Variants in ESRRG observed in about 807,000 individuals in gnomAD.
The protein encoded by ESRRG is estrogen related receptor gamma.
A neutral mutation model predicts 44.0 loss-of-function variants in ESRRG; 13 were observed. The observed-to-expected ratio is 0.30, with a 90% CI of 0.19 to 0.47. ESRRG has a LOEUF of 0.47. ESRRG is among the 20% of genes least tolerant of loss of function. The pLI, the probability that ESRRG is intolerant of heterozygous loss-of-function variation, is 1.00. For synonymous variants in ESRRG, 215 were observed against 214.6 expected (o/e 1.00, Z -0.02); for missense variants, 395 against 580.6 (o/e 0.68, Z 3.29).
At chr1:217,089,746 C>T (rs1024279291), upstream of ESRRG, 2 of 152,076 alleles carry the variant, frequency 1.3e-5, no homozygotes, top group African/African-American at 4.8e-5. Context: ...CGGGGCCGGC[C>T]TGGCACCCGG....
At chr1:216,882,880 T>G (rs1307454329) in intron 2 of ESRRG, among the ~76,000 whole-genome samples, 1 of 152,104 alleles carries the variant, frequency 6.6e-6, no homozygotes, top group Non-Finnish European at 1.5e-5. Flanking sequence ...GGAAATCATG[T>G]TTTGATATTT....
intron 1 of ESRRG, among the ~76,000 whole-genome samples, chr1:216,708,051 A>C (rs1270224478): frequency 2.6e-5 from 4 of 152,232 alleles, no homozygotes; most frequent in Admixed American, 2.0e-4. Flanking sequence ...TTTTTAAGAT[A>C]GCAACTGTGG....
At chr1:216,764,564 C>T (rs2813695) in intron 2 of ESRRG, among the ~76,000 whole-genome samples, 38,895 of 147,698 alleles carry the variant, frequency 0.26, 6,279 homozygotes, top group East Asian at 0.42. Context: ...ACACCATGCC[C>T]GGCCCAGGGG....
At chr1:216,669,661 A>G (rs2151377662) in intron 2 of ESRRG, among the ~76,000 whole-genome samples, 1 of 152,328 alleles carries the variant, frequency 6.6e-6, no homozygotes, top group Admixed American at 6.5e-5. Flanking sequence ...CAAGGTGGGC[A>G]GATCACTTGA....
At chr1:216,821,805 T>C (rs1200026337) in intron 2 of ESRRG, among the ~76,000 whole-genome samples, 1 of 151,696 alleles carries the variant, frequency 6.6e-6, no homozygotes, top group Non-Finnish European at 1.5e-5. Flanking sequence ...TTCCTTATGA[T>C]TCAACCTAAT....
intron 2 of ESRRG, among the ~76,000 whole-genome samples, chr1:216,731,197 A>G (rs530580566): frequency 3.1e-4 from 47 of 152,206 alleles, no homozygotes; most frequent in Admixed American, 5.9e-4. Flanking sequence ...AAATTTCTGT[A>G]TTAAGGATTT....
chr1:216,632,214 C>T (rs1318696690), intron 3 of ESRRG, among the ~76,000 whole-genome samples: 1 of 152,124 alleles, frequency 6.6e-6, no homozygotes, highest in Non-Finnish European at 1.5e-5. Flanking sequence ...CTTGTGTCTC[C>T]CTACCCTGAC....
At chr1:216,768,928 A>T (rs1449914983) in intron 2 of ESRRG, among the ~76,000 whole-genome samples, 1 of 152,126 alleles carries the variant, frequency 6.6e-6, no homozygotes. Flanking sequence ...TATGGTTTAG[A>T]GTCTATGCTG....
At chr1:216,537,735 A>G (rs1467386935) in intron 5 of ESRRG, among the ~76,000 whole-genome samples, 1 of 152,120 alleles carries the variant, frequency 6.6e-6, no homozygotes, top group Non-Finnish European at 1.5e-5. Flanking sequence ...AAGCATTCTC[A>G]CTAAAACCTT....
intron 2 of ESRRG, among the ~76,000 whole-genome samples, chr1:216,885,983 T>TA (rs1048542206): frequency 6.1e-4 from 91 of 150,368 alleles, no homozygotes; most frequent in African/African-American, 1.8e-3. Flanking sequence ...CCCTTTTTTT[T>TA]AAAAAAAAAA....
intron 2 of ESRRG, chr1:216,863,356 T>A (rs2096086445): frequency 6.6e-6 from 1 of 152,208 alleles, no homozygotes; most frequent in African/African-American, 2.4e-5. Context: ...AAGCTCACAA[T>A]GAAATAGAAT....
intron 2 of ESRRG, among the ~76,000 whole-genome samples, chr1:216,760,679 G>T (rs2152339344): frequency 6.6e-6 from 1 of 152,226 alleles, no homozygotes; most frequent in East Asian, 1.9e-4. Context: ...AAACATCCCA[G>T]AAAGGATAAG....
At chr1:217,059,428 A>C (rs1322876426) in intron 1 of ESRRG, among the ~76,000 whole-genome samples, 1 of 152,140 alleles carries the variant, frequency 6.6e-6, no homozygotes, top group Non-Finnish European at 1.5e-5. Flanking sequence ...TAGTCTTCAA[A>C]TAATATTTCT....
At chr1:216,561,083 C>T (rs2058638161) in intron 5 of ESRRG, among the ~76,000 whole-genome samples, 1 of 152,098 alleles carries the variant, frequency 6.6e-6, no homozygotes, top group Non-Finnish European at 1.5e-5. Flanking sequence ...CATAACAACA[C>T]ACTTTCCCAT....
intron 1 of ESRRG, among the ~76,000 whole-genome samples, chr1:217,098,158 A>T (rs830314): frequency 1.8e-4 from 27 of 152,090 alleles, no homozygotes; most frequent in Non-Finnish European, 3.2e-4. Flanking sequence ...CAGAACATGA[A>T]AGTTCTTTAC....
intron 2 of ESRRG, among the ~76,000 whole-genome samples, chr1:216,774,227 C>G (rs960866178): frequency 3.9e-5 from 6 of 152,198 alleles, no homozygotes; most frequent in Admixed American, 6.5e-5. Flanking sequence ...TGGTAGCTCT[C>G]CCTGCCTCCT....
intron 3 of ESRRG, among the ~76,000 whole-genome samples, chr1:216,636,956 C>G (rs1308329327): frequency 6.6e-6 from 1 of 152,180 alleles, no homozygotes; most frequent in Non-Finnish European, 1.5e-5. Context: ...ATTAGTGAAG[C>G]TTTATTTTTC....
chr1:216,606,032 C>T (rs530243769), intron 3 of ESRRG, among the ~76,000 whole-genome samples: 1 of 152,258 alleles, frequency 6.6e-6, no homozygotes, highest in African/African-American at 2.4e-5. Flanking sequence ...GTAATACATT[C>T]AAAAACAAAA....
intron 1 of ESRRG, among the ~76,000 whole-genome samples, chr1:216,958,395 A>G (rs1484753323): frequency 6.6e-6 from 1 of 152,174 alleles, no homozygotes; most frequent in Non-Finnish European, 1.5e-5. Flanking sequence ...GCAATGGATA[A>G]AAGTTCAGAT....
Sources: allele counts gnomAD v4.1 joint callset (sites outside exome capture counted in the v4.1 genomes callset), GRCh38; gene constraint gnomAD v4.1.1; transcripts MANE v1.5; gene names NCBI Gene and HGNC (gene_info 2026-07-23, HGNC 2026-07-21).